The following NXPE3 variants were observed in gnomAD, a reference collection of about 807,000 sequenced individuals.
The protein encoded by NXPE3 is NXPE family member 3.
In NXPE3, 26 loss-of-function variants were observed where a neutral mutation model predicts 46.1. That is an observed-to-expected ratio of 0.56 (90% CI 0.41 to 0.78). The LOEUF (loss-of-function observed/expected upper bound fraction) is 0.78. Among genes scored for constraint, NXPE3 ranks in the 30% least tolerant of loss-of-function variants. The pLI is 0.00. For synonymous variants in NXPE3, 272 were observed against 257.9 expected (o/e 1.05, Z -0.52); for missense variants, 620 against 686.0 (o/e 0.90, Z 1.07).
In NXPE3 at chr3:101,801,361, G is replaced by C. The variant is rs764394821; in HGVS notation, c.220G>C (p.Glu74Gln). The change falls in exon 5 of 8, where the codon GAG becomes CAG. Residue 74 changes from glutamate (E) to glutamine (Q), a missense_variant. This residue lies in a region of NXPE3 where 511 missense variants were observed against 528.6 expected (regional missense o/e 0.97). Transcript: ENST00000273347. ...TGATCAGCAGACCCTGTCCAGCCAG[G>C]AGCGCATGGAGGAGGACTCCTTGCT... ...GYDQQTLSSQ[E>Q]RMEEDSLLAA... is the part of the protein sequence containing the mutation. 4 of 1,614,192 alleles carry C rather than the reference G, an allele frequency of 2.5e-6. No homozygotes were observed. In the East Asian group the frequency reaches 6.7e-5, roughly 27 times the overall value.
chr3:101,813,786 CTT>C (rs2107337208), intron 6 of NXPE3, among the ~76,000 whole-genome samples: 1 of 152,026 alleles, frequency 6.6e-6, no homozygotes, highest in Admixed American at 6.6e-5. Flanking sequence ...ATTTAGGAGA[CTT>C]TCATATCTCA....
rs898287200 is a variant in NXPE3, at chr3:101,797,268, C to A, written c.94-3967C>A. Among the ~76,000 whole-genome samples the A allele has an allele frequency of 2.0e-5, 3 of 152,054 alleles. No individual in the cohort carries two copies. In the South Asian group the frequency reaches 6.2e-4, roughly 32 times the overall value. On this transcript the variant is annotated intron_variant, in intron 4 of 7. Coordinates refer to ENST00000273347, the MANE Select transcript of NXPE3 (RefSeq NM_145037.4). ...ACATACTTATATCTTGATTTGTGAA[C>A]TTTACAAGGTATCTCCTGACTTGTT...
In NXPE3 at chr3:101,801,969, A is replaced by G. The variant is rs1378421735; in HGVS notation, c.828A>G (p.Ala276=). Reference sequence around the variant, plus strand: ...ACCTGAAAGGTCTCCTAACCGCTGCAGAGAGTGCTTTCTTCCAGAGGTATG... The same window carrying G: ...ACCTGAAAGGTCTCCTAACCGCTGCGGAGAGTGCTTTCTTCCAGAGGTATG... ...GGYLKGLLTA[A]ESAFFQSGVN... is the part of the protein sequence containing the mutation. Residue 276 remains alanine, a synonymous_variant, in exon 5 of 8, where the codon GCA becomes GCG. Transcript: ENST00000273347. 1 of 1,609,476 alleles carries G rather than the reference A, an allele frequency of 6.2e-7. No homozygotes were observed. Among genetic ancestry groups the G allele is most frequent in the Admixed American group, 1.7e-5 (1 of 59,318 alleles).
intron 6 of NXPE3, among the ~76,000 whole-genome samples, chr3:101,812,538 G>T (rs1941759664): frequency 6.6e-6 from 1 of 152,022 alleles, no homozygotes; most frequent in Non-Finnish European, 1.5e-5. Flanking sequence ...CGACGGCCGG[G>T]CGCAGTGGCT....
chr3:101,801,818 A>C lies in NXPE3; in HGVS notation c.677A>C (p.Asn226Thr). 6.2e-7 allele frequency: 1 copy of C among 1,614,160 alleles called. No individual in the cohort carries two copies. ...SGRISETTEC[N>T]VCLPGNLPLC... ...AGAATTTCTGAAACTACTGAGTGCA[A>C]CGTGTGTCTTCCTGGGAATCTGCCC... Residue 226 changes from asparagine (N) to threonine (T), a missense_variant, in exon 5 of 8, where the codon AAC (asparagine) becomes ACC (threonine). Asn to Thr is a moderately conservative substitution (Grantham distance 65). Transcript: ENST00000273347.
intron 4 of NXPE3, among the ~76,000 whole-genome samples, chr3:101,787,884 T>A (rs1326506249): frequency 2.0e-5 from 3 of 152,214 alleles, no homozygotes; most frequent in Non-Finnish European, 2.9e-5. Flanking sequence ...TCTTCAAGAC[T>A]CTGCTTTTAA....
chr3:101,803,308 G>C (rs1361113378), intron 5 of NXPE3, among the ~76,000 whole-genome samples: 2 of 152,024 alleles, frequency 1.3e-5, no homozygotes, highest in Non-Finnish European at 2.9e-5. Flanking sequence ...TCAGCTTTTG[G>C]TCATACCAGA....
intron 4 of NXPE3, among the ~76,000 whole-genome samples, chr3:101,797,110 T>C (rs1484344959): frequency 6.6e-6 from 1 of 152,200 alleles, no homozygotes; most frequent in Admixed American, 6.5e-5. Flanking sequence ...AAGTAATTCA[T>C]GGAATAGATG....
intron 6 of NXPE3, among the ~76,000 whole-genome samples, chr3:101,815,286 G>A (rs932855204): frequency 1.1e-4 from 17 of 152,284 alleles, no homozygotes; most frequent in Middle Eastern, 3.4e-3. Context: ...AGAATAATCC[G>A]TTAGATTGTC....
intron 6 of NXPE3, among the ~76,000 whole-genome samples, chr3:101,810,548 C>T (rs1011850559): frequency 2.6e-5 from 4 of 152,148 alleles, no homozygotes; most frequent in African/African-American, 7.2e-5. Context: ...AAGAGAGTGG[C>T]ATTATCCTAG....
intron 6 of NXPE3, among the ~76,000 whole-genome samples, chr3:101,811,286 G>T (rs1049790529): frequency 6.6e-6 from 1 of 152,178 alleles, no homozygotes. Flanking sequence ...TACTAAGTTT[G>T]TGGTGATGTG....
intron 4 of NXPE3, among the ~76,000 whole-genome samples, chr3:101,796,397 G>T (rs550005258): frequency 6.6e-6 from 1 of 152,148 alleles, no homozygotes. Flanking sequence ...TGACATTTTT[G>T]CATTTTTGTC....
chr3:101,808,366 G>T (rs750927716), intron 6 of NXPE3, among the ~76,000 whole-genome samples: 22 of 152,264 alleles, frequency 1.4e-4, no homozygotes, highest in Non-Finnish European at 2.9e-4. Flanking sequence ...CTCTGCAGAT[G>T]TTGGCAAACC....
At chr3:101,816,544 A>T (rs1322237605) in intron 6 of NXPE3, among the ~76,000 whole-genome samples, 1 of 151,726 alleles carries the variant, frequency 6.6e-6, no homozygotes, top group Non-Finnish European at 1.5e-5. Context: ...TTCCTGTGTT[A>T]GTTTGCTGAG....
intron 3 of NXPE3, among the ~76,000 whole-genome samples, chr3:101,783,939 G>A (rs1263296906): frequency 6.6e-6 from 1 of 152,194 alleles, no homozygotes; most frequent in Admixed American, 6.5e-5. Flanking sequence ...AAATGGAGAA[G>A]CACAGTCTTT....
intron 6 of NXPE3, among the ~76,000 whole-genome samples, chr3:101,811,533 A>G (rs150836926): frequency 1.6e-4 from 24 of 152,136 alleles, no homozygotes; most frequent in African/African-American, 5.1e-4. Flanking sequence ...CTTCTTTGTT[A>G]GACTCTGAGG....
rs946809276 is a variant in NXPE3, at chr3:101,823,425, T to G, written c.*1471T>G. Reference sequence around the variant, plus strand: ...TATTAAAATAGTTTAATTTTAATGGTCCTTACGCTTTACAGTACCTAAGGA... The same window carrying G: ...TATTAAAATAGTTTAATTTTAATGGGCCTTACGCTTTACAGTACCTAAGGA... On this transcript the variant is annotated 3_prime_UTR_variant, in exon 8 of 8. Transcript: ENST00000273347. 1.9e-4 allele frequency: 29 copies of G among 152,168 alleles called. No homozygotes were observed. The highest frequency in any genetic ancestry group is 4.4e-5 in the Non-Finnish European group (3 of 68,044). The allele number at this position is 152,168 out of a possible 1,614,324, so 9.4% of individuals were successfully genotyped here.
At chr3:101,793,627 C>CTTTTTTTTTTTTTTTTTTTTTTTTTTTT in intron 4 of NXPE3, among the ~76,000 whole-genome samples, 3 of 19,410 alleles carry the variant, frequency 1.5e-4, no homozygotes, top group Non-Finnish European at 1.9e-4. Flanking sequence ...TTGACAAGGT[C>CTTTTTTTTTTTTTTTTTTTTTTTTTTTT]TTTTTTTTTT....
At chr3:101,819,327 T>TA (rs35850024) in intron 7 of NXPE3, among the ~76,000 whole-genome samples, 2 of 152,242 alleles carry the variant, frequency 1.3e-5, no homozygotes, top group African/African-American at 4.8e-5. Flanking sequence ...CAGAGTTTTT[T>TA]AGGAATAACA....
Sources: allele counts gnomAD v4.1 joint callset (sites outside exome capture counted in the v4.1 genomes callset), GRCh38; gene constraint gnomAD v4.1.1; regional missense constraint gnomAD v4.1.1; transcripts MANE v1.5; gene names NCBI Gene and HGNC (gene_info 2026-07-23, HGNC 2026-07-21).